Variants in GATM observed in about 807,000 individuals in gnomAD.
GATM encodes glycine amidinotransferase, mitochondrial.
In GATM, 23 loss-of-function variants were observed where a neutral mutation model predicts 54.2. The ratio of observed to expected loss-of-function variants is 0.42; its 90% CI spans 0.31 to 0.60. GATM has a LOEUF of 0.60. GATM is among the 20% of genes least tolerant of loss of function. GATM has a pLI of 0.14. For missense variants in GATM, 401 were observed against 544.9 expected (o/e 0.74, Z 2.63); for synonymous variants, 168 against 183.1 (o/e 0.92, Z 0.67).
rs1566838817 is a variant in GATM at position 45,362,169 on chromosome 15, G to T, written c.1212C>A (p.Gly404=). 6.2e-7 allele frequency: 1 copy of T among 1,613,984 alleles called. No homozygotes were observed. Among genetic ancestry groups the T allele is most frequent in the East Asian group, 2.2e-5 (1 of 44,872 alleles). The change falls in exon 9 of 9, where the codon GGC becomes GGA. Residue 404 remains glycine, a synonymous_variant. Coordinates refer to ENST00000396659, the MANE Select transcript of GATM (RefSeq NM_001482.3). ...NIRNANSLGG[G]FHCWTCDVRR... ...GGACATCGCAGGTCCAGCAATGGAA[G>T]CCTCCTCCCAGGGAATTGGCATTAC...
intron 3 of GATM, among the ~76,000 whole-genome samples, chr15:45,390,672 C>A (rs975413362): frequency 3.9e-5 from 6 of 152,034 alleles, no homozygotes; most frequent in African/African-American, 1.2e-4. Flanking sequence ...GAAGTCTGTC[C>A]TTTAGGATTT....
At chr15:45,387,058 T>C (rs978742372) in intron 3 of GATM, among the ~76,000 whole-genome samples, 2 of 152,180 alleles carry the variant, frequency 1.3e-5, no homozygotes, top group Non-Finnish European at 2.9e-5. Context: ...AAGGCTAAAC[T>C]AGAAATATTC....
intron 2 of GATM, among the ~76,000 whole-genome samples, chr15:45,371,843 T>C (rs529483263): frequency 6.6e-6 from 1 of 152,252 alleles, no homozygotes; most frequent in Non-Finnish European, 1.5e-5. Context: ...TCAAGACTGA[T>C]CAAATGTCTA....
chr15:45,370,612 T>G (rs1191313120), intron 2 of GATM, among the ~76,000 whole-genome samples: 2 of 152,198 alleles, frequency 1.3e-5, no homozygotes, highest in Non-Finnish European at 2.9e-5. Flanking sequence ...AATTCACAAA[T>G]TTTTAATAAC....
chr15:45,372,711 C>T (rs1889562909), intron 2 of GATM, among the ~76,000 whole-genome samples: 1 of 152,196 alleles, frequency 6.6e-6, no homozygotes, highest in Non-Finnish European at 1.5e-5. Context: ...CAGGGTGAAG[C>T]TTGCCTTGAT....
chr15:45,384,851 G>T (rs1012068086), intron 3 of GATM, among the ~76,000 whole-genome samples: 14 of 152,138 alleles, frequency 9.2e-5, no homozygotes, highest in East Asian at 1.9e-4. Context: ...AGGGACTACA[G>T]ATATGCATCA....
Position 45,368,307 on chromosome 15 carries a change from C to T in GATM, c.485-47G>A. The T allele has an allele frequency of 1.1e-5, 17 of 1,576,670 alleles. No individual in the cohort carries two copies. Among genetic ancestry groups the T allele is most frequent in the Non-Finnish European group, 1.5e-5 (17 of 1,150,140 alleles). On this transcript the variant is annotated intron_variant, in intron 3 of 8. Coordinates refer to ENST00000396659, the MANE Select transcript of GATM (RefSeq NM_001482.3). The surrounding 1 kb of genome is among the most constrained non-coding windows in gnomAD (Gnocchi z 5.1). ...TGACAACTTCAGTAGTGTTAATTTC[C>T]AAGACAAAAAAGGTCTATATAGGGC... is the stretch of plus-strand genomic sequence containing the variant.
chr15:45,399,806 C>T (rs1192312983), intron 1 of GATM, among the ~76,000 whole-genome samples: 1 of 152,208 alleles, frequency 6.6e-6, no homozygotes, highest in Non-Finnish European at 1.5e-5. Flanking sequence ...TGGTTCTGGA[C>T]TCCCTCTAGT....
rs1446595765 is a variant in GATM at position 45,369,449 on chromosome 15, T to G, written c.361A>C (p.Lys121Gln). 6.2e-7 allele frequency: 1 copy of G among 1,614,072 alleles called. No homozygotes were observed. Among genetic ancestry groups the G allele is most frequent in the African/African-American group, 1.3e-5 (1 of 74,934 alleles). The part of the protein sequence containing the change: ...GGHYFPKDHL[K>Q]KAVAEIEEMC... ...TCTTCAATTTCAGCAACAGCCTTTT[T>G]CAAATGATCTTTGGGAAAATAATGC... Residue 121 changes from lysine to glutamine, a missense_variant, in exon 3 of 9, where the codon AAA becomes CAA. Transcript: ENST00000396659.
At chr15:45,397,946 AGAAGTGCTGTGTT>A (rs1401874344) in intron 2 of GATM, among the ~76,000 whole-genome samples, 1 of 152,262 alleles carries the variant, frequency 6.6e-6, no homozygotes, top group Non-Finnish European at 1.5e-5. Context: ...ACCTGGTGTC[AGAAGTGCTGTGTT>A]GAGTGGCTGA....
upstream of GATM, chr15:45,378,574 G>C: frequency 1.4e-6 from 1 of 712,126 alleles, no homozygotes; most frequent in Non-Finnish European, 2.1e-6. Context: ...GAGGCCTTTT[G>C]TAGCCGCGCT....
At chr15:45,375,771 G>A (rs113237433) in intron 2 of GATM, among the ~76,000 whole-genome samples, 11 of 152,076 alleles carry the variant, frequency 7.2e-5, no homozygotes, top group Non-Finnish European at 1.6e-4. Context: ...TAAACAATGC[G>A]GGGGGTGGTG....
intron 3 of GATM, among the ~76,000 whole-genome samples, chr15:45,387,469 C>A (rs1145081): frequency 2.0e-5 from 3 of 151,698 alleles, no homozygotes; most frequent in Non-Finnish European, 4.4e-5. Context: ...TATGTCCAAA[C>A]CTTCTGTAAC....
intron 3 of GATM, among the ~76,000 whole-genome samples, chr15:45,396,563 T>C (rs902707500): frequency 2.6e-5 from 4 of 152,076 alleles, no homozygotes; most frequent in African/African-American, 7.2e-5. Context: ...AGGTATGGTA[T>C]AGTCAGTCTT....
upstream of GATM, among the ~76,000 whole-genome samples, chr15:45,382,288 T>G (rs1041073548): frequency 1.3e-5 from 2 of 152,182 alleles, no homozygotes; most frequent in Non-Finnish European, 2.9e-5. Flanking sequence ...CCTGGGAACC[T>G]TGGCATAGGG....
At chr15:45,397,301 G>A (rs968629388) in intron 2 of GATM, 10 of 151,862 alleles carry the variant, frequency 6.6e-5, no homozygotes, top group Admixed American at 1.3e-4. Flanking sequence ...ATTCTTGCCC[G>A]GCTCCTAGAT....
chr15:45,384,813 A>G (rs67045941), intron 3 of GATM, among the ~76,000 whole-genome samples: 48,534 of 151,762 alleles, frequency 0.32, 8,854 homozygotes, highest in East Asian at 0.83. Context: ...GGCTCAAGCA[A>G]TCCTCCCACC....
intron 7 of GATM, chr15:45,364,534 CAA>C (rs201283726): frequency 0.014 from 4,603 of 318,334 alleles, no homozygotes; most frequent in South Asian, 0.022. Flanking sequence ...GACACTGTCT[CAA>C]AAAAAAAAAA....
In GATM at chr15:45,366,282, G is replaced by A. The variant is rs1889447625; in HGVS notation, c.814-72C>T. On this transcript the variant is annotated intron_variant, in intron 5 of 8. Transcript: ENST00000396659. ...GTCTAGAAAACTAAAAATATTCAAG[G>A]TGAAAAAAATTTAGGATGAAAATAT... 6 of 1,606,238 alleles carry A rather than the reference G, an allele frequency of 3.7e-6. 1 individual carries two copies. The highest frequency in any genetic ancestry group is 2.2e-5 in the South Asian group (2 of 90,454).
Sources: gnomAD v4.1 joint callset for allele counts (sites outside exome capture counted in the v4.1 genomes callset) on GRCh38, gnomAD v4.1.1 for gene constraint, Gnocchi (gnomAD v3.1) non-coding constraint, MANE v1.5 for transcripts, NCBI Gene and HGNC (gene_info 2026-07-23, HGNC 2026-07-21) for gene names.